HDAC8: variants seen among roughly 807,000 people sequenced by gnomAD.
The protein encoded by HDAC8 is histone deacetylase-like 1.
In HDAC8, 1 loss-of-function variant was observed where a neutral mutation model predicts 32.2. The observed-to-expected ratio is 0.03, with a 90% CI of 0.01 to 0.15. The LOEUF (loss-of-function observed/expected upper bound fraction) is 0.15, where lower values mean the gene tolerates loss of function less well. Ranked by LOEUF, HDAC8 falls within the 10% of genes least tolerant of loss-of-function variation. The pLI is 1.00. For missense variants in HDAC8, 117 were observed against 300.0 expected, an observed-to-expected ratio of 0.39 and a Z score of 4.51; for synonymous variants, 108 against 113.9, an observed-to-expected ratio of 0.95 and a Z score of 0.33.
At chrX:72,373,110 A>C (rs1335074758) in intron 9 of HDAC8, among the ~76,000 whole-genome samples, 1 of 112,254 alleles carries the variant, frequency 8.9e-6, no homozygotes, top group Non-Finnish European at 1.9e-5. Flanking sequence ...CCAAGGTCAT[A>C]GAGCTCATAA....
chrX:72,531,970 T>A (rs1556036169), intron 4 of HDAC8, among the ~76,000 whole-genome samples: 1 of 112,471 alleles, frequency 8.9e-6, no homozygotes, highest in Non-Finnish European at 1.9e-5. Flanking sequence ...TATTTTCAGT[T>A]CTTTTGGATA....
chrX:72,427,684 T>C (rs1256324053), intron 9 of HDAC8, among the ~76,000 whole-genome samples: 1 of 107,572 alleles, frequency 9.3e-6, no homozygotes, highest in Non-Finnish European at 1.9e-5. Flanking sequence ...ACATGGCACA[T>C]GTATACATAT....
At chrX:72,551,530 A>G (rs2051069986) in intron 4 of HDAC8, among the ~76,000 whole-genome samples, 1 of 111,199 alleles carries the variant, frequency 9.0e-6, no homozygotes, top group Admixed American at 9.6e-5. Context: ...TTCCACTATT[A>G]CTCTAAAATT....
chrX:72,519,996 T>C (rs782750913), intron 4 of HDAC8, among the ~76,000 whole-genome samples: 189 of 112,651 alleles, frequency 1.7e-3, no homozygotes, highest in Non-Finnish European at 3.0e-3. Context: ...ATATTCTGGA[T>C]ACAAGACTTT....
intron 9 of HDAC8, among the ~76,000 whole-genome samples, chrX:72,413,534 T>C (rs953357051): frequency 9.0e-6 from 1 of 110,831 alleles, no homozygotes; most frequent in Non-Finnish European, 1.9e-5. Flanking sequence ...CCAAATATAT[T>C]TGATATGGTT....
intron 4 of HDAC8, among the ~76,000 whole-genome samples, chrX:72,543,966 C>T (rs1398970186): frequency 1.8e-5 from 2 of 112,496 alleles, no homozygotes; most frequent in Non-Finnish European, 3.8e-5. Context: ...AGGATCTTTA[C>T]GTTCTACACG....
chrX:72,411,062 G>A (rs1219241317), intron 9 of HDAC8, among the ~76,000 whole-genome samples: 5 of 77,098 alleles, frequency 6.5e-5, no homozygotes, highest in Non-Finnish European at 1.1e-4. Context: ...ATCTTGCTCT[G>A]TTGCCCAGAC....
chrX:72,563,314 G>A (rs1314819099), intron 4 of HDAC8, among the ~76,000 whole-genome samples: 5 of 111,539 alleles, frequency 4.5e-5, no homozygotes, highest in Non-Finnish European at 9.4e-5. Flanking sequence ...ACTTTGGGAG[G>A]GCAAAGTGGG....
chrX:72,507,591 GTC>G (rs1287608933), intron 4 of HDAC8, among the ~76,000 whole-genome samples: 12 of 111,667 alleles, frequency 1.1e-4, no homozygotes, highest in Non-Finnish European at 2.1e-4. Context: ...TTGTTTACCT[GTC>G]TCTATAAAAT....
intron 4 of HDAC8, among the ~76,000 whole-genome samples, chrX:72,567,291 G>A (rs1412839274): frequency 8.9e-6 from 1 of 112,084 alleles, no homozygotes; most frequent in African/African-American, 3.2e-5. Context: ...AGGAGCATGA[G>A]CCCTCTTCTT....
intron 9 of HDAC8, among the ~76,000 whole-genome samples, chrX:72,429,395 C>T (rs1018982789): frequency 1.8e-5 from 2 of 111,684 alleles, no homozygotes; most frequent in African/African-American, 6.5e-5. Context: ...TAATTAATTC[C>T]TCTGATTTTA....
intron 9 of HDAC8, among the ~76,000 whole-genome samples, chrX:72,437,098 C>T (rs782468881): frequency 4.5e-5 from 5 of 111,993 alleles, no homozygotes; most frequent in South Asian, 3.7e-4. Context: ...GCATGATCAA[C>T]GCAGAAGGTG....
intron 9 of HDAC8, among the ~76,000 whole-genome samples, chrX:72,429,780 G>A (rs1287316717): frequency 8.9e-6 from 1 of 111,857 alleles, no homozygotes; most frequent in Non-Finnish European, 1.9e-5. Context: ...AGATTGGAGT[G>A]GGCAAAAGAG....
chrX:72,417,718 T>C (rs1405603082), intron 9 of HDAC8, among the ~76,000 whole-genome samples: 1 of 111,988 alleles, frequency 8.9e-6, no homozygotes, highest in Non-Finnish European at 1.9e-5. Context: ...AAAAACACTG[T>C]TCTAAAATTC....
chrX:72,461,530 T>G (rs1456906585), intron 9 of HDAC8, among the ~76,000 whole-genome samples: 1 of 111,795 alleles, frequency 8.9e-6, no homozygotes. Context: ...GCAATGGTCT[T>G]TGTAGTGCTT....
chrX:72,351,900 A>C, intron 9 of HDAC8, 62 bp from the exon 10 acceptor site: 1 of 807,587 alleles, frequency 1.2e-6, no homozygotes, highest in South Asian at 2.4e-5. Flanking sequence ...CAAACCAACC[A>C]CATACAAACA....
intron 9 of HDAC8, among the ~76,000 whole-genome samples, chrX:72,400,156 T>C (rs1555966947): frequency 2.7e-5 from 3 of 111,776 alleles, no homozygotes; most frequent in African/African-American, 9.8e-5. Context: ...TCCAACATTT[T>C]AATGTTGGAC....
chrX:72,560,565 T>TAAAAAAAAAA (rs147846647), intron 4 of HDAC8, among the ~76,000 whole-genome samples: 53 of 35,207 alleles, frequency 1.5e-3, no homozygotes, highest in East Asian at 3.8e-3. Flanking sequence ...CAATAAATAC[T>TAAAAAAAAAA]AAAAAAAAAA....
At chrX:72,363,952 G>T (rs1464573231) in intron 9 of HDAC8, among the ~76,000 whole-genome samples, 2 of 111,787 alleles carry the variant, frequency 1.8e-5, no homozygotes, top group Admixed American at 9.5e-5. Flanking sequence ...GTAGCTGCTT[G>T]GGGTACTGTG....
Sources: allele counts gnomAD v4.1 joint callset (sites outside exome capture counted in the v4.1 genomes callset), GRCh38; gene constraint gnomAD v4.1.1; transcripts MANE v1.5; gene names NCBI Gene and HGNC (gene_info 2026-07-23, HGNC 2026-07-21).